Variants in ZBTB38 observed in about 807,000 individuals in gnomAD.
The protein encoded by ZBTB38 is zinc finger and BTB domain containing 38, also known as zinc finger and BTB domain-containing protein 38.
Under a neutral mutation model 76.8 loss-of-function variants are expected in ZBTB38, and 20 were observed. The ratio of observed to expected loss-of-function variants is 0.26; its 90% CI spans 0.18 to 0.38. The LOEUF is 0.38. Among genes scored for constraint, ZBTB38 ranks in the 10% least tolerant of loss-of-function variants. The pLI, the probability that ZBTB38 is intolerant of heterozygous loss-of-function variation, is 1.00. For synonymous variants in ZBTB38, 504 were observed against 544.2 expected, an observed-to-expected ratio of 0.93 and a Z score of 1.03; for missense variants, 1,082 against 1,482.3, an observed-to-expected ratio of 0.73 and a Z score of 4.43.
chr3:141,439,742 G>A (rs2079666187), intron 5 of ZBTB38, among the ~76,000 whole-genome samples: 1 of 152,222 alleles, frequency 6.6e-6, no homozygotes, highest in Admixed American at 6.5e-5. Flanking sequence ...TGTCAGCATA[G>A]ACCTAAGCCA....
At chr3:141,325,326 T>A (rs1424797855) in intron 1 of ZBTB38, among the ~76,000 whole-genome samples, 1 of 152,192 alleles carries the variant, frequency 6.6e-6, no homozygotes, top group African/African-American at 2.4e-5. Flanking sequence ...AAAATTAGCA[T>A]TTTTTTAGTA....
intron 5 of ZBTB38, among the ~76,000 whole-genome samples, chr3:141,425,064 A>T (rs898254542): frequency 1.3e-5 from 2 of 152,224 alleles, no homozygotes; most frequent in Non-Finnish European, 2.9e-5. Context: ...AGTTTTTAAA[A>T]TTTGCACAAG....
Position 141,443,931 on chromosome 3 carries a change from C to T in ZBTB38, c.1543C>T (p.Arg515Ter). ...RHEIWHTGER[R>*]YQCIFCLETF... ...TGAAATTTGGCATACGGGAGAAAGA[C>T]GATATCAGTGCATTTTCTGTCTTGA... Residue 515 changes from arginine (R) to a stop codon, truncating the protein, a stop_gained, in exon 6 of 6, where the codon CGA (arginine) becomes TGA (stop). Coordinates refer to ENST00000321464, the MANE Select transcript of ZBTB38 (RefSeq NM_001376113.1). LOFTEE classifies it high-confidence loss of function. This position sits in a 1 kb window ranked among gnomAD's most constrained non-coding sequence, Gnocchi z 5.6. 2 of 1,614,102 alleles carry T rather than the reference C, an allele frequency of 1.2e-6. No homozygotes were observed. The highest frequency in any genetic ancestry group is 1.6e-4 in the Middle Eastern group (1 of 6,062).
At chr3:141,364,476 A>G (rs1943903582), upstream of ZBTB38, among the ~76,000 whole-genome samples, 1 of 151,802 alleles carries the variant, frequency 6.6e-6, no homozygotes, top group African/African-American at 2.4e-5. Flanking sequence ...TCGGGAGTTC[A>G]AGACCAGCCT....
intron 5 of ZBTB38, among the ~76,000 whole-genome samples, chr3:141,441,032 C>CAAAAAAAAAAA (rs202075469): frequency 4.7e-5 from 3 of 64,418 alleles, no homozygotes; most frequent in Admixed American, 1.4e-4. Context: ...GACTCAATCT[C>CAAAAAAAAAAA]AAAAAAAAAA....
At chr3:141,434,604 C>T (rs1297077273) in intron 5 of ZBTB38, among the ~76,000 whole-genome samples, 1 of 152,090 alleles carries the variant, frequency 6.6e-6, no homozygotes, top group Non-Finnish European at 1.5e-5. Flanking sequence ...CCTCTATTTA[C>T]ATTATATGTA....
intron 5 of ZBTB38, among the ~76,000 whole-genome samples, chr3:141,437,707 A>G (rs1487901346): frequency 6.6e-6 from 1 of 152,110 alleles, no homozygotes; most frequent in Non-Finnish European, 1.5e-5. Flanking sequence ...CCAGGGTCTC[A>G]CTCCAGCTGT....
intron 5 of ZBTB38, among the ~76,000 whole-genome samples, chr3:141,415,047 T>C (rs958420287): frequency 6.6e-6 from 1 of 152,136 alleles, no homozygotes; most frequent in African/African-American, 2.4e-5. Flanking sequence ...TGTTAGCTTT[T>C]CTTGTTTCTG....
At chr3:141,429,194 C>T (rs1441164573) in intron 5 of ZBTB38, among the ~76,000 whole-genome samples, 1 of 152,070 alleles carries the variant, frequency 6.6e-6, no homozygotes, top group East Asian at 1.9e-4. Flanking sequence ...AAAAGCAGAG[C>T]AGGGCAAGGG....
intron 1 of ZBTB38, among the ~76,000 whole-genome samples, chr3:141,359,666 C>T (rs1261176488): frequency 6.6e-6 from 1 of 152,226 alleles, no homozygotes; most frequent in East Asian, 1.9e-4. Flanking sequence ...TGCAGTGGCT[C>T]ATGCCTGTAA....
In ZBTB38 at chr3:141,443,494, A is replaced by G; in HGVS notation, c.1106A>G (p.Glu369Gly). ...ATGCAGCTTCACAAGCCAACCCAGG[A>G]GCCTTTAGTGTGCAAGTATTGCAAC... Reference protein sequence around the residue: ...AHMQLHKPTQEPLVCKYCNKQ... With the variant: ...AHMQLHKPTQGPLVCKYCNKQ... Residue 369 changes from glutamate to glycine, a missense_variant, in exon 6 of 6, where the codon GAG becomes GGG. This residue lies in a region of ZBTB38 where 324 missense variants were observed against 359.1 expected (regional missense o/e 0.90). Transcript: ENST00000321464. This position sits in a 1 kb window ranked among gnomAD's most constrained non-coding sequence, Gnocchi z 5.6. The G allele has an allele frequency of 6.2e-7, 1 of 1,614,186 alleles. No individual in the cohort carries two copies. Among genetic ancestry groups the G allele is most frequent in the Non-Finnish European group, 8.5e-7 (1 of 1,180,032 alleles).
At position 141,351,213 on chromosome 3, in the gene ZBTB38, G is replaced by A. The variant is rs186253851; in HGVS notation, c.-738-17408G>A. On this transcript the variant is annotated intron_variant, in intron 1 of 7. Transcript: ENST00000509842. ...CTGACATTACTGTTATTTGACTTGA[G>A]AAGTAATTGACCAGTTGCTTGCTTC... Among the ~76,000 whole-genome samples the A allele has an allele frequency of 2.0e-5, 3 of 152,264 alleles. No individual in the cohort carries two copies. The East Asian group carries it at 5.8e-4, about 29-fold the overall frequency.
chr3:141,390,776 G>T (rs1034509835), intron 4 of ZBTB38, among the ~76,000 whole-genome samples: 3 of 152,192 alleles, frequency 2.0e-5, no homozygotes, highest in Non-Finnish European at 4.4e-5. Flanking sequence ...TCCAGAGGAC[G>T]GGAGGGTGCT....
At chr3:141,430,823 G>A (rs1339436034) in intron 5 of ZBTB38, among the ~76,000 whole-genome samples, 1 of 152,164 alleles carries the variant, frequency 6.6e-6, no homozygotes, top group Non-Finnish European at 1.5e-5. Flanking sequence ...TCCCCCAGAG[G>A]TAGCAATCAA....
chr3:141,421,133 TGTATA>T (rs1207922200), intron 5 of ZBTB38, among the ~76,000 whole-genome samples: 6 of 152,208 alleles, frequency 3.9e-5, no homozygotes, highest in Admixed American at 2.6e-4. Context: ...CTCCATGATA[TGTATA>T]GTAGTCACTC....
chr3:141,440,077 C>T (rs576526006), intron 5 of ZBTB38, among the ~76,000 whole-genome samples: 1 of 152,158 alleles, frequency 6.6e-6, no homozygotes, highest in Admixed American at 6.5e-5. Flanking sequence ...AGAAATAATC[C>T]CCCATACTTC....
At chr3:141,424,310 G>C (rs1327197419) in intron 5 of ZBTB38, among the ~76,000 whole-genome samples, 1 of 152,192 alleles carries the variant, frequency 6.6e-6, no homozygotes, top group East Asian at 1.9e-4. Context: ...CTTACGCCCA[G>C]GAGTTCAAGA....
chr3:141,346,492 C>T (rs1024222835), intron 1 of ZBTB38, among the ~76,000 whole-genome samples: 1 of 152,188 alleles, frequency 6.6e-6, no homozygotes, highest in Non-Finnish European at 1.5e-5. Context: ...ATTAATCATA[C>T]AGTTCCCTTT....
At chr3:141,426,408 A>G (rs2076395837) in intron 5 of ZBTB38, among the ~76,000 whole-genome samples, 1 of 152,160 alleles carries the variant, frequency 6.6e-6, no homozygotes, top group African/African-American at 2.4e-5. Context: ...TCCATCTACT[A>G]TTCATTGCCT....
Sources: gnomAD v4.1 joint callset for allele counts (sites outside exome capture counted in the v4.1 genomes callset) on GRCh38, gnomAD v4.1.1 for gene constraint, gnomAD v4.1.1 regional missense constraint, Gnocchi (gnomAD v3.1) non-coding constraint, MANE v1.5 for transcripts, NCBI Gene and HGNC (gene_info 2026-07-23, HGNC 2026-07-21) for gene names.